RABGAP1L: variants seen among roughly 807,000 people sequenced by gnomAD.
RABGAP1L encodes rab GTPase-activating protein 1-like.
Under a neutral mutation model 137.7 loss-of-function variants are expected in RABGAP1L, and 63 were observed. The observed-to-expected ratio is 0.46, with a 90% CI of 0.37 to 0.56. The LOEUF (loss-of-function observed/expected upper bound fraction) is 0.56. RABGAP1L is among the 20% of genes least tolerant of loss of function. The pLI, the probability that RABGAP1L is intolerant of heterozygous loss-of-function variation, is 0.00. For synonymous variants in RABGAP1L, 431 were observed against 433.7 expected (o/e 0.99, Z 0.08); for missense variants, 1,095 against 1,244.0 (o/e 0.88, Z 1.80).
At chr1:174,929,790 A>AAATT (rs1663461877) in intron 19 of RABGAP1L, among the ~76,000 whole-genome samples, 1 of 150,514 alleles carries the variant, frequency 6.6e-6, no homozygotes, top group South Asian at 2.1e-4. Context: ...ATAAATAAAT[A>AAATT]AATAAATAAG....
intron 17 of RABGAP1L, among the ~76,000 whole-genome samples, chr1:174,704,516 A>G (rs927616352): frequency 3.3e-5 from 5 of 152,212 alleles, no homozygotes; most frequent in African/African-American, 1.2e-4. Context: ...GTAAGCATGT[A>G]AGAGTTTTAA....
intron 19 of RABGAP1L, among the ~76,000 whole-genome samples, chr1:174,955,312 A>G (rs550570034): frequency 3.0e-4 from 46 of 152,326 alleles, no homozygotes; most frequent in African/African-American, 1.0e-3. Context: ...TCTATCATCT[A>G]TCAGGTTTGG....
intron 11 of RABGAP1L, among the ~76,000 whole-genome samples, chr1:174,327,970 TATATATATACAC>T (rs1217655368): frequency 3.5e-3 from 54 of 15,240 alleles, no homozygotes; most frequent in African/African-American, 0.019. Context: ...TATATATATA[TATATATATACAC>T]ACACATATAT....
intron 13 of RABGAP1L, chr1:174,548,244 T>A: frequency 7.1e-7 from 1 of 1,401,836 alleles, no homozygotes; most frequent in Non-Finnish European, 9.3e-7. Context: ...AGCCAAGTAA[T>A]CTAAGATTCT....
intron 13 of RABGAP1L, among the ~76,000 whole-genome samples, chr1:174,598,978 TCTCC>T (rs929355901): frequency 3.9e-5 from 6 of 151,986 alleles, no homozygotes; most frequent in African/African-American, 7.2e-5. Flanking sequence ...TTATGATCTT[TCTCC>T]CTCCCTCCCT....
chr1:174,697,201 C>T (rs758789239), intron 15 of RABGAP1L, among the ~76,000 whole-genome samples: 15 of 152,168 alleles, frequency 9.9e-5, no homozygotes, highest in Non-Finnish European at 1.6e-4. Flanking sequence ...ATGATTTTAC[C>T]ACATTCAAAG....
intron 17 of RABGAP1L, among the ~76,000 whole-genome samples, chr1:174,722,227 C>T (rs981379812): frequency 7.9e-5 from 12 of 152,048 alleles, no homozygotes; most frequent in Non-Finnish European, 1.6e-4. Flanking sequence ...CGCGCCTGGC[C>T]GATACTCAAT....
chr1:174,969,823 C>T (rs1669981655), intron 21 of RABGAP1L, among the ~76,000 whole-genome samples: 1 of 152,212 alleles, frequency 6.6e-6, no homozygotes, highest in Non-Finnish European at 1.5e-5. Context: ...TGATAGGCAT[C>T]TGAGTGGCTG....
chr1:174,300,161 C>A (rs990432902), intron 10 of RABGAP1L, among the ~76,000 whole-genome samples: 2 of 152,146 alleles, frequency 1.3e-5, no homozygotes, highest in Non-Finnish European at 2.9e-5. Context: ...ATCCCATATA[C>A]CTAAACATGT....
At chr1:174,359,340 T>G (rs1683939560) in intron 11 of RABGAP1L, among the ~76,000 whole-genome samples, 1 of 152,264 alleles carries the variant, frequency 6.6e-6, no homozygotes, top group African/African-American at 2.4e-5. Flanking sequence ...CTTCAGCTCC[T>G]TTCTTCCTCT....
chr1:174,955,829 C>T (rs1573997559), intron 19 of RABGAP1L, among the ~76,000 whole-genome samples: 1 of 152,152 alleles, frequency 6.6e-6, no homozygotes, highest in African/African-American at 2.4e-5. Context: ...GGCCTGTAAT[C>T]CCAATGCTTT....
intron 11 of RABGAP1L, among the ~76,000 whole-genome samples, chr1:174,318,257 C>G (rs1412210324): frequency 6.6e-6 from 1 of 152,112 alleles, no homozygotes; most frequent in East Asian, 1.9e-4. Flanking sequence ...TCTTTTTACA[C>G]TTTTGAACTT....
chr1:174,771,163 G>A (rs1025557874), intron 18 of RABGAP1L, among the ~76,000 whole-genome samples: 6 of 152,202 alleles, frequency 3.9e-5, no homozygotes, highest in Non-Finnish European at 1.5e-5. Context: ...ATTTGAGGGG[G>A]ATGCGCAGGA....
At chr1:174,200,886 C>G (rs903223318) in intron 1 of RABGAP1L, among the ~76,000 whole-genome samples, 2 of 151,982 alleles carry the variant, frequency 1.3e-5, no homozygotes, top group Non-Finnish European at 2.9e-5. Flanking sequence ...AGATGAAAAA[C>G]TTTTTCAATG....
Position 174,826,765 on chromosome 1 carries a change from T to C in RABGAP1L, c.2340+14805T>C, listed in dbSNP as rs573826397. Among the ~76,000 whole-genome samples, 212 of 152,316 alleles carry C rather than the reference T, an allele frequency of 1.4e-3. 1 individual carries two copies. Among genetic ancestry groups the C allele is most frequent in the African/African-American group, 5.0e-3 (206 of 41,584 alleles). ...GAGTAATTTACATTCCCACCAACAA[T>C]GTATAAGCATTCCCTTTTCTCTGCG... On this transcript the variant is annotated intron_variant, in intron 19 of 25. Transcript: ENST00000681986.
At chr1:174,648,256 G>A (rs1046202949) in intron 14 of RABGAP1L, among the ~76,000 whole-genome samples, 2 of 151,942 alleles carry the variant, frequency 1.3e-5, no homozygotes, top group Admixed American at 6.6e-5. Context: ...GTTTTTGAAT[G>A]TGTTTGCTCT....
chr1:174,981,550 C>CTTTTTTTTTTT (rs10556099), intron 23 of RABGAP1L, among the ~76,000 whole-genome samples: 830 of 66,438 alleles, frequency 0.012, 119 homozygotes, highest in Middle Eastern at 0.036. Flanking sequence ...GTTTTTCCAT[C>CTTTTTTTTTTT]TTTTTTTTTT....
intron 18 of RABGAP1L, among the ~76,000 whole-genome samples, chr1:174,789,212 TG>T (rs1687672886): frequency 6.6e-6 from 1 of 152,214 alleles, no homozygotes; most frequent in African/African-American, 2.4e-5. Context: ...CATTTTTCTG[TG>T]GCTAGTCTTT....
chr1:174,776,122 C>G (rs1185781578), intron 18 of RABGAP1L, among the ~76,000 whole-genome samples: 1 of 152,110 alleles, frequency 6.6e-6, no homozygotes, highest in Non-Finnish European at 1.5e-5. Flanking sequence ...GTAATCCCAG[C>G]ACTTTGGGAG....
Sources: allele counts gnomAD v4.1 joint callset (sites outside exome capture counted in the v4.1 genomes callset), GRCh38; gene constraint gnomAD v4.1.1; transcripts MANE v1.5; gene names NCBI Gene and HGNC (gene_info 2026-07-23, HGNC 2026-07-21).